The following CNTN3 variants were observed in gnomAD, a reference collection of about 807,000 sequenced individuals.
The protein encoded by CNTN3 is contactin 3.
In CNTN3, 60 loss-of-function variants were observed where a neutral mutation model predicts 119.1. That is an observed-to-expected ratio of 0.50 (90% CI 0.41 to 0.62). The LOEUF is 0.62. Ranked by LOEUF, CNTN3 falls within the 20% of genes least tolerant of loss-of-function variation. The probability of loss-of-function intolerance (pLI) is 0.00; values close to 1 mark genes in which losing one functional copy is unlikely to be tolerated. For missense variants in CNTN3, 1,101 were observed against 1,242.4 expected, an observed-to-expected ratio of 0.89 and a Z score of 1.71; for synonymous variants, 450 against 438.7, an observed-to-expected ratio of 1.03 and a Z score of -0.32.
At chr3:74,302,860 G>A (rs1022356509) in intron 13 of CNTN3, 53 bp from the exon 14 acceptor site, 3 of 1,204,840 alleles carry the variant, frequency 2.5e-6, no homozygotes, top group African/African-American at 3.0e-5. Context: ...AAAACACAAA[G>A]AAGTTTGAAG....
At chr3:74,599,980 A>G (rs923058634) in intron 1 of CNTN3, among the ~76,000 whole-genome samples, 2 of 152,130 alleles carry the variant, frequency 1.3e-5, no homozygotes, top group African/African-American at 4.8e-5. Flanking sequence ...AAAACCATTA[A>G]GAGCATTCCA....
chr3:74,480,011 T>C (rs539153647), intron 4 of CNTN3, among the ~76,000 whole-genome samples: 15 of 152,214 alleles, frequency 9.9e-5, no homozygotes, highest in Non-Finnish European at 1.6e-4. Context: ...TTCAGAATTA[T>C]TGTTTGCTGC....
At chr3:74,526,007 T>C (rs1703613520) in intron 1 of CNTN3, among the ~76,000 whole-genome samples, 2 of 151,790 alleles carry the variant, frequency 1.3e-5, no homozygotes, top group Non-Finnish European at 2.9e-5. Flanking sequence ...GTGGAGAAAG[T>C]TTAGGTGTGA....
chr3:74,371,019 T>C (rs745383319), intron 6 of CNTN3, among the ~76,000 whole-genome samples, 177 bp downstream of exon 6: 3 of 152,172 alleles, frequency 2.0e-5, no homozygotes, highest in Non-Finnish European at 2.9e-5. Flanking sequence ...GTAAGAATTA[T>C]GCATAAGGAC....
rs773915758 is a variant in CNTN3 at position 74,361,940 on chromosome 3, C to A, written c.1314G>T (p.Arg438Ser). ...CCCCCTTCTTCCAGGAAGAGAGTGC[C>A]CTTGGGGAGGCTCTGGGTTTACAAT... Reference protein sequence around the residue: ...SLDCKPRASPRALSSWKKGDV... With the variant: ...SLDCKPRASPSALSSWKKGDV... Residue 438 changes from arginine to serine, a missense_variant, in exon 11 of 23, where the codon AGG becomes AGT. Physicochemically the swap from Arg to Ser is moderately radical, Grantham distance 110. Transcript: ENST00000263665. 6.2e-6 allele frequency: 10 copies of A among 1,613,622 alleles called. No homozygotes were observed. The highest frequency in any genetic ancestry group is 6.8e-6 in the Non-Finnish European group (8 of 1,179,792).
At chr3:74,535,338 T>C (rs1703749135) in intron 1 of CNTN3, among the ~76,000 whole-genome samples, 1 of 152,116 alleles carries the variant, frequency 6.6e-6, no homozygotes, top group Non-Finnish European at 1.5e-5. Context: ...TGATAGCAGC[T>C]TGAATTTACA....
chr3:74,391,304 A>G (rs1704894376), intron 5 of CNTN3, among the ~76,000 whole-genome samples: 1 of 151,792 alleles, frequency 6.6e-6, no homozygotes, highest in Non-Finnish European at 1.5e-5. Flanking sequence ...ATGTTTGTTT[A>G]CTATGCTGGG....
At chr3:74,506,844 G>C (rs1448846055) in intron 2 of CNTN3, among the ~76,000 whole-genome samples, 2 of 151,972 alleles carry the variant, frequency 1.3e-5, no homozygotes, top group East Asian at 3.9e-4. Flanking sequence ...TGAAAAGAGT[G>C]CATTAATCAA....
chr3:74,399,714 C>T (rs1705144583), intron 5 of CNTN3, among the ~76,000 whole-genome samples: 1 of 152,076 alleles, frequency 6.6e-6, no homozygotes, highest in African/African-American at 2.4e-5. Context: ...GAGGAATTGC[C>T]ACTCTATCTT....
chr3:74,425,741 A>G (rs1701685796), intron 4 of CNTN3, among the ~76,000 whole-genome samples: 1 of 152,032 alleles, frequency 6.6e-6, no homozygotes, highest in Non-Finnish European at 1.5e-5. Context: ...CATAGCCTAA[A>G]TAGATTTTAT....
rs1704162571 is a variant in CNTN3, at chr3:74,365,291, AAT to A, written c.1083+273_1083+274del. Among the ~76,000 whole-genome samples the A allele has an allele frequency of 2.0e-5, 3 of 152,156 alleles. No individual in the cohort carries two copies. In the South Asian group the frequency reaches 6.2e-4, roughly 32 times the overall value. ...TTAAAGTAAGGCCTTCTCTAATTTCAATACCAAAAAAACGGTAGATTATTTTA... is the reference window on the plus strand; with the variant it reads ...TTAAAGTAAGGCCTTCTCTAATTTCAACCAAAAAAACGGTAGATTATTTTA... On this transcript the variant is annotated intron_variant, in intron 9 of 22. Transcript: ENST00000263665.
At chr3:74,294,150 C>T (rs1274705831) in intron 19 of CNTN3, among the ~76,000 whole-genome samples, 1 of 152,078 alleles carries the variant, frequency 6.6e-6, no homozygotes, top group Admixed American at 6.6e-5. Flanking sequence ...TTACATGCTT[C>T]CTCAGGGAAG....
intron 11 of CNTN3, among the ~76,000 whole-genome samples, chr3:74,356,353 A>G (rs1703933592): frequency 6.6e-6 from 1 of 152,028 alleles, no homozygotes; most frequent in Admixed American, 6.5e-5. Flanking sequence ...TGCACGTGCT[A>G]TTCTTTCTTC....
In CNTN3 at chr3:74,494,116, G is replaced by A. The variant is rs78623760; in HGVS notation, c.182+5543C>T. Reference sequence around the variant, plus strand: ...CCTGCAGCCATCTTAGCTTTTCCTGGTAGCAGCTCCTCTATTCTCCTTTAA... The same window carrying A: ...CCTGCAGCCATCTTAGCTTTTCCTGATAGCAGCTCCTCTATTCTCCTTTAA... On this transcript the variant is annotated intron_variant, in intron 3 of 22. Coordinates refer to ENST00000263665, the MANE Select transcript of CNTN3 (RefSeq NM_020872.3). 4.6e-3 allele frequency among the ~76,000 whole-genome samples: 696 copies of A among 152,068 alleles called. 3 individuals carry two copies. The highest frequency in any genetic ancestry group is 0.016 in the African/African-American group (656 of 41,502).
chr3:74,331,986 A>G (rs1703274884), intron 13 of CNTN3, among the ~76,000 whole-genome samples: 1 of 152,210 alleles, frequency 6.6e-6, no homozygotes, highest in Non-Finnish European at 1.5e-5. Context: ...ACTACTTAGC[A>G]TAGTTCCAAT....
At chr3:74,352,368 G>A (rs1324301357) in intron 11 of CNTN3, among the ~76,000 whole-genome samples, 2 of 152,174 alleles carry the variant, frequency 1.3e-5, no homozygotes, top group African/African-American at 4.8e-5. Flanking sequence ...TGTGGCAACA[G>A]TCTCTATAAA....
chr3:74,407,270 T>G (rs555467170), intron 5 of CNTN3, among the ~76,000 whole-genome samples: 42 of 141,490 alleles, frequency 3.0e-4, no homozygotes, highest in African/African-American at 1.0e-3. Flanking sequence ...TTCTATTTTT[T>G]TTTTTTTTTT....
chr3:74,312,684 C>G (rs1702722010), intron 13 of CNTN3, among the ~76,000 whole-genome samples: 1 of 152,072 alleles, frequency 6.6e-6, no homozygotes, highest in Non-Finnish European at 1.5e-5. Context: ...CTACAACATT[C>G]TTTCCCTCAC....
intron 10 of CNTN3, among the ~76,000 whole-genome samples, chr3:74,363,006 C>A (rs1704110916): frequency 6.6e-6 from 1 of 152,116 alleles, no homozygotes; most frequent in Non-Finnish European, 1.5e-5. Context: ...TGTTTACGCA[C>A]CTCGTATTTC....
Sources: gnomAD v4.1 joint callset for allele counts (sites outside exome capture counted in the v4.1 genomes callset) on GRCh38, gnomAD v4.1.1 for gene constraint, MANE v1.5 for transcripts, NCBI Gene and HGNC (gene_info 2026-07-23, HGNC 2026-07-21) for gene names.